The following ALK variants were observed in gnomAD, a reference collection of about 807,000 sequenced individuals.
ALK encodes the protein ALK receptor tyrosine kinase, also known as ALK tyrosine kinase receptor.
In ALK, 74 loss-of-function variants were observed where a neutral mutation model predicts 163.1. The ratio of observed to expected loss-of-function variants is 0.45; its 90% CI spans 0.38 to 0.55. ALK has a LOEUF of 0.55. Among genes scored for constraint, ALK ranks in the 20% least tolerant of loss-of-function variants. The probability of loss-of-function intolerance (pLI) is 0.00; values close to 1 mark genes in which losing one functional copy is unlikely to be tolerated. For synonymous variants in ALK, 960 were observed against 843.2 expected (o/e 1.14, Z -2.40); for missense variants, 2,063 against 2,105.3 (o/e 0.98, Z 0.39).
intron 1 of ALK, among the ~76,000 whole-genome samples, chr2:29,851,413 A>G (rs1665988761): frequency 6.6e-6 from 1 of 152,126 alleles, no homozygotes; most frequent in African/African-American, 2.4e-5. Flanking sequence ...TTGCGCCAAG[A>G]CCTTCCTCTG....
chr2:29,602,348 C>T (rs1675402812), intron 3 of ALK, among the ~76,000 whole-genome samples: 1 of 152,016 alleles, frequency 6.6e-6, no homozygotes, highest in African/African-American at 2.4e-5. Context: ...CTGGGGAGGA[C>T]CCAAAAACCA....
intron 5 of ALK, among the ~76,000 whole-genome samples, chr2:29,341,733 G>A (rs537307152): frequency 6.6e-6 from 1 of 152,328 alleles, no homozygotes; most frequent in African/African-American, 2.4e-5. Flanking sequence ...AGAGGAAGCA[G>A]GGTGTCCTTG....
chr2:29,518,037 A>C (rs1672717501), intron 4 of ALK, among the ~76,000 whole-genome samples: 1 of 152,184 alleles, frequency 6.6e-6, no homozygotes, highest in Admixed American at 6.5e-5. Context: ...GATATGGAGA[A>C]TAAAACAGGG....
chr2:29,467,715 C>T (rs553011035), intron 4 of ALK, among the ~76,000 whole-genome samples: 20 of 152,252 alleles, frequency 1.3e-4, no homozygotes, highest in African/African-American at 4.8e-4. Flanking sequence ...ACTAAAATAT[C>T]ATTTTTCTTT....
At chr2:29,645,440 A>G (rs1443376072) in intron 3 of ALK, among the ~76,000 whole-genome samples, 1 of 152,086 alleles carries the variant, frequency 6.6e-6, no homozygotes, top group Non-Finnish European at 1.5e-5. Flanking sequence ...TTTCACCCAC[A>G]TTTTTCTCAG....
At chr2:29,258,233 C>T (rs57297762) in intron 11 of ALK, among the ~76,000 whole-genome samples, 1,664 of 152,296 alleles carry the variant, frequency 0.011, 35 homozygotes, top group African/African-American at 0.037. Context: ...TCAACATGTT[C>T]TCTGTCCTGC....
rs182674789 is a variant in ALK, at chr2:29,327,170, G to C, written c.1414+1180C>G. Among the ~76,000 whole-genome samples the C allele has an allele frequency of 3.0e-4, 46 of 152,344 alleles. 1 individual carries two copies. Among genetic ancestry groups the C allele is most frequent in the Non-Finnish European group, 4.3e-4 (29 of 68,032 alleles). On this transcript the variant is annotated intron_variant, in intron 6 of 28. Coordinates refer to ENST00000389048, the MANE Select transcript of ALK (RefSeq NM_004304.5). ...CGGGGAGCACCATGTTCAAGTGCAG[G>C]AGCACCAGCTGGGAGTCTACTCCGC...
intron 4 of ALK, among the ~76,000 whole-genome samples, chr2:29,512,260 C>T (rs1346282208): frequency 6.6e-6 from 1 of 151,686 alleles, no homozygotes; most frequent in South Asian, 2.1e-4. Flanking sequence ...AAAATACTGG[C>T]AAACCGAATC....
chr2:29,530,598 G>A (rs1429652570), intron 4 of ALK, among the ~76,000 whole-genome samples: 1 of 152,172 alleles, frequency 6.6e-6, no homozygotes, highest in East Asian at 1.9e-4. Flanking sequence ...TATGAGGCTG[G>A]GCAAATACCT....
chr2:29,685,191 CCT>C (rs1180329469), intron 3 of ALK, among the ~76,000 whole-genome samples: 1 of 152,124 alleles, frequency 6.6e-6, no homozygotes, highest in Non-Finnish European at 1.5e-5. Context: ...CACCCCAGCC[CCT>C]GTGTGTGTAG....
chr2:29,547,363 G>A (rs150922504), intron 3 of ALK, among the ~76,000 whole-genome samples: 2,584 of 152,282 alleles, frequency 0.017, 29 homozygotes, highest in Non-Finnish European at 0.026. Context: ...TTGGGAGGCC[G>A]AGGTGGGCAG....
At chr2:29,222,942 T>C (rs1331018993) in intron 20 of ALK, among the ~76,000 whole-genome samples, 2 of 152,134 alleles carry the variant, frequency 1.3e-5, no homozygotes, top group Non-Finnish European at 2.9e-5. Context: ...TTCATGCTCC[T>C]TGGGGAGAGA....
At chr2:29,266,837 A>ACTG (rs1665234408) in intron 11 of ALK, among the ~76,000 whole-genome samples, 1 of 152,190 alleles carries the variant, frequency 6.6e-6, no homozygotes, top group African/African-American at 2.4e-5. Context: ...TCTGCCCATC[A>ACTG]GAATCCCCAC....
At chr2:29,686,938 C>T (rs2148283325) in intron 3 of ALK, among the ~76,000 whole-genome samples, 1 of 152,186 alleles carries the variant, frequency 6.6e-6, no homozygotes, top group East Asian at 1.9e-4. Flanking sequence ...CTCAAGGGTC[C>T]AGATCTAAGG....
At chr2:29,454,595 G>A (rs1670903063) in intron 4 of ALK, among the ~76,000 whole-genome samples, 1 of 152,092 alleles carries the variant, frequency 6.6e-6, no homozygotes, top group Admixed American at 6.5e-5. Context: ...AATTTGGGGT[G>A]TCTTTCCAGT....
chr2:29,651,797 A>C (rs559367740), intron 3 of ALK, among the ~76,000 whole-genome samples: 5 of 152,272 alleles, frequency 3.3e-5, no homozygotes, highest in Non-Finnish European at 7.4e-5. Flanking sequence ...CTGAGTTTTC[A>C]TAGAAACAAT....
chr2:29,402,067 C>T (rs1028254977), intron 4 of ALK, among the ~76,000 whole-genome samples: 4 of 152,214 alleles, frequency 2.6e-5, no homozygotes, highest in Admixed American at 2.6e-4. Context: ...CCTCCCTTCA[C>T]AAGAGATCAG....
chr2:29,659,258 C>G (rs528320219), intron 3 of ALK, among the ~76,000 whole-genome samples: 1 of 152,084 alleles, frequency 6.6e-6, no homozygotes, highest in Non-Finnish European at 1.5e-5. Flanking sequence ...CCACTGGGAA[C>G]AATGCTACTT....
chr2:29,234,173 C>T (rs898730337), intron 13 of ALK, among the ~76,000 whole-genome samples: 3 of 151,934 alleles, frequency 2.0e-5, no homozygotes, highest in South Asian at 2.1e-4. Context: ...GGACCTGTTT[C>T]GATCCTGTGG....
Sources: gnomAD v4.1 joint callset for allele counts (sites outside exome capture counted in the v4.1 genomes callset) on GRCh38, gnomAD v4.1.1 for gene constraint, MANE v1.5 for transcripts, NCBI Gene and HGNC (gene_info 2026-07-23, HGNC 2026-07-21) for gene names.